Variants in ABCA4 observed in about 807,000 individuals in gnomAD.
The protein encoded by ABCA4 is retinal-specific phospholipid-transporting ATPase ABCA4.
A neutral mutation model predicts 263.7 loss-of-function variants in ABCA4; 196 were observed. The observed-to-expected ratio is 0.74, with a 90% confidence interval of 0.66 to 0.84. ABCA4 has a LOEUF of 0.84. ABCA4 is among the 40% of genes least tolerant of loss of function. The pLI is 0.00. For missense variants in ABCA4, 2,792 were observed against 2,855.1 expected, an observed-to-expected ratio of 0.98 and a Z score of 0.50; for synonymous variants, 1,133 against 1,094.2, an observed-to-expected ratio of 1.04 and a Z score of -0.70.
intron 8 of ABCA4, among the ~76,000 whole-genome samples, chr1:94,080,007 T>C (rs1392041272): frequency 7.1e-6 from 1 of 141,470 alleles, no homozygotes; most frequent in East Asian, 2.0e-4. Context: ...AAAAAAAAAA[T>C]AGTGAAAGGT....
In ABCA4 at chr1:94,000,902, G is replaced by T; in HGVS notation, c.6413C>A (p.Thr2138Asn). 2 of 1,614,216 alleles carry T rather than the reference G, an allele frequency of 1.2e-6. No individual in the cohort carries two copies. Among genetic ancestry groups the T allele is most frequent in the Non-Finnish European group, 1.7e-6 (2 of 1,180,036 alleles). ...GCCCTTTACCATGATGGCCAGCCGG[G>T]TACACAGTGCCTCACATTCTTCCAT... ...HSMEECEALC[T>N]RLAIMVKGAF... The change falls in exon 47 of 50, where the codon ACC (threonine) becomes AAC (asparagine). Residue 2138 changes from threonine (T) to asparagine (N), a missense_variant. Coordinates refer to ENST00000370225, the MANE Select transcript of ABCA4 (RefSeq NM_000350.3).
chr1:94,016,384 G>A (rs1480079305), intron 36 of ABCA4, among the ~76,000 whole-genome samples: 1 of 152,156 alleles, frequency 6.6e-6, no homozygotes, highest in African/African-American at 2.4e-5. Context: ...GTGGGGTGTG[G>A]AGGCCTCAAC....
At chr1:94,006,560 G>A (rs975966901) in intron 43 of ABCA4, among the ~76,000 whole-genome samples, 1 of 152,176 alleles carries the variant, frequency 6.6e-6, no homozygotes, top group African/African-American at 2.4e-5. Flanking sequence ...GTCACCATGA[G>A]GAAGTCACCT....
At chr1:94,055,494 G>A (rs1399715208) in intron 15 of ABCA4, among the ~76,000 whole-genome samples, 179 bp from the exon 16 acceptor site, 3 of 152,162 alleles carry the variant, frequency 2.0e-5, no homozygotes, top group African/African-American at 7.2e-5. Context: ...GGAGTTCAGA[G>A]TGTCTCTCTG....
At chr1:94,042,168 C>T (rs1186752060) in intron 22 of ABCA4, among the ~76,000 whole-genome samples, 1 of 151,926 alleles carries the variant, frequency 6.6e-6, no homozygotes. Context: ...ATGACAAACC[C>T]TCAGAGAAAG....
intron 30 of ABCA4, 95 bp from the exon 31 acceptor site, chr1:94,025,143 G>C: frequency 1.0e-6 from 1 of 990,388 alleles, no homozygotes; most frequent in Non-Finnish European, 1.6e-6. Flanking sequence ...AATTATTTAT[G>C]GATTGAGCTG....
rs17392369 is a variant in ABCA4 at position 94,046,804 on chromosome 1, G to A, written c.2918+115C>T. 0.081 allele frequency: 108,683 copies of A among 1,344,076 alleles called. 5,031 individuals carry two copies. Among genetic ancestry groups the A allele is most frequent in the Non-Finnish European group, 0.097 (92,510 of 948,946 alleles). The allele number at this position is 1,344,076 out of a possible 1,614,324, so 83.3% of individuals were successfully genotyped here. ...AAAGCTTTTACACATTTTTGGGGCC[G>A]CAAATATTTGTCACTAAAATTTGTG... On this transcript the variant is annotated intron_variant, in intron 19 of 49. Transcript: ENST00000370225.
rs751548532 is a variant in ABCA4, at chr1:94,080,575, C to T, written c.1002G>A (p.Val334=). ...CGYPEGGGSR[V]LSFNWYEDNN... ...TGTCTTCATACCAGTTGAAGGAGAG[C>T]ACCCGAGAGCCACCTCCCTCGGGGT... The change falls in exon 8 of 50, where the codon GTG becomes GTA. Residue 334 remains valine, a synonymous_variant. Coordinates refer to ENST00000370225, the MANE Select transcript of ABCA4 (RefSeq NM_000350.3). 44 of 1,614,046 alleles carry T rather than the reference C, an allele frequency of 2.7e-5. No individual in the cohort carries two copies. Among genetic ancestry groups the T allele is most frequent in the South Asian group, 3.3e-5 (3 of 91,088 alleles).
chr1:93,997,863 G>T lies in ABCA4; in HGVS notation c.6727C>A (p.Gln2243Lys). 6.2e-7 allele frequency: 1 copy of T among 1,614,030 alleles called. No individual in the cohort carries two copies. Among genetic ancestry groups the T allele is most frequent in the South Asian group, 1.1e-5 (1 of 91,038 alleles). Residue 2243 changes from glutamine (Q) to lysine (K), a missense_variant and splice_region_variant, in exon 48 of 50, where the codon CAG (glutamine) becomes AAG (lysine). Transcript: ENST00000370225. ...TCGGTGCCCCAGGGCCAACTTGCCTGGTCCAGTGTGGTCTGTGTGACTGAG... is the reference window on the plus strand; with the variant it reads ...TCGGTGCCCCAGGGCCAACTTGCCTTGTCCAGTGTGGTCTGTGTGACTGAG... ...EYSVTQTTLD[Q>K]VFVNFAKQQT...
At chr1:94,025,224 A>T (rs1660005863) in intron 30 of ABCA4, among the ~76,000 whole-genome samples, 176 bp from the exon 31 acceptor site, 1 of 152,182 alleles carries the variant, frequency 6.6e-6, no homozygotes, top group South Asian at 2.1e-4. Context: ...CTCATCTTTG[A>T]TGCCTCTTTT....
At chr1:93,999,894 C>T (rs1557758507) in intron 47 of ABCA4, among the ~76,000 whole-genome samples, 1 of 152,234 alleles carries the variant, frequency 6.6e-6, no homozygotes, top group Non-Finnish European at 1.5e-5. Context: ...ACCTGACATG[C>T]TGCTATTTCT....
intron 14 of ABCA4, among the ~76,000 whole-genome samples, chr1:94,057,647 T>C (rs530486869): frequency 1.3e-5 from 2 of 152,296 alleles, no homozygotes; most frequent in African/African-American, 4.8e-5. Context: ...ATCACACAAA[T>C]ATATTTCCTA....
At chr1:94,080,209 C>T (rs1173470157) in intron 8 of ABCA4, among the ~76,000 whole-genome samples, 1 of 152,158 alleles carries the variant, frequency 6.6e-6, no homozygotes, top group African/African-American at 2.4e-5. Flanking sequence ...GAACTTAGCC[C>T]TAGTTCAATT....
chr1:94,067,694 G>A (rs577852051), intron 11 of ABCA4, among the ~76,000 whole-genome samples: 2 of 152,290 alleles, frequency 1.3e-5, no homozygotes, highest in South Asian at 4.1e-4. Flanking sequence ...CACATTAGAC[G>A]CTGTTTGTGA....
chr1:94,113,690 A>T lies in ABCA4; in HGVS notation c.67-624T>A, dbSNP rs4147806. On this transcript the variant is annotated intron_variant, in intron 1 of 49. Coordinates refer to ENST00000370225, the MANE Select transcript of ABCA4 (RefSeq NM_000350.3). ...ATGAGTGAATAAATGACTGTGATCCATTGCAAAGCCAACAAAAATCTGGCC... is the reference window on the plus strand; with the variant it reads ...ATGAGTGAATAAATGACTGTGATCCTTTGCAAAGCCAACAAAAATCTGGCC... Among the ~76,000 whole-genome samples, 25 of 152,286 alleles carry T rather than the reference A, an allele frequency of 1.6e-4. No homozygotes were observed. The East Asian group carries it at 4.6e-3, about 28-fold the overall frequency.
intron 3 of ABCA4, 62 bp from the exon 4 acceptor site, chr1:94,108,778 C>G: frequency 6.3e-7 from 1 of 1,588,622 alleles, no homozygotes; most frequent in South Asian, 1.1e-5. Context: ...GTAATAATAT[C>G]TCATGCTATT....
At chr1:94,114,909 G>C (rs1570435861) in intron 1 of ABCA4, among the ~76,000 whole-genome samples, 1 of 152,222 alleles carries the variant, frequency 6.6e-6, no homozygotes, top group African/African-American at 2.4e-5. Flanking sequence ...TCACTACTGT[G>C]ATTCCAGCAC....
intron 7 of ABCA4, among the ~76,000 whole-genome samples, chr1:94,081,603 CGTGT>C (rs569620096): frequency 6.6e-6 from 1 of 150,764 alleles, no homozygotes; most frequent in Non-Finnish European, 1.5e-5. Context: ...TGTGTGTGTG[CGTGT>C]GTGTGTGCAC....
intron 17 of ABCA4, among the ~76,000 whole-genome samples, chr1:94,051,156 T>C (rs759858723): frequency 2.6e-5 from 4 of 152,158 alleles, no homozygotes; most frequent in Non-Finnish European, 5.9e-5. Context: ...GCCCTGAAGA[T>C]AACAGCTCTG....
Sources: allele counts gnomAD v4.1 joint callset (sites outside exome capture counted in the v4.1 genomes callset), GRCh38; gene constraint gnomAD v4.1.1; transcripts MANE v1.5; gene names NCBI Gene and HGNC (gene_info 2026-07-23, HGNC 2026-07-21).